Variants in PRR5 observed in about 807,000 individuals in gnomAD.
PRR5 encodes the protein proline rich 5, also known as proline-rich protein 5.
A neutral mutation model predicts 30.6 loss-of-function variants in PRR5; 25 were observed. The observed-to-expected ratio is 0.82, with a 90% CI of 0.60 to 1.14. PRR5 has a LOEUF of 1.14. Among genes scored for constraint, PRR5 ranks in the 50% most tolerant of loss-of-function variants. PRR5 has a pLI of 0.00. For synonymous variants in PRR5, 286 were observed against 247.1 expected (o/e 1.16, Z -1.48); for missense variants, 600 against 547.1 (o/e 1.10, Z -0.96).
At chr22:44,684,197 T>G (rs1212919441) in intron 1 of PRR5, among the ~76,000 whole-genome samples, 1 of 152,168 alleles carries the variant, frequency 6.6e-6, no homozygotes, top group East Asian at 1.9e-4. Flanking sequence ...GTGAGCCCAG[T>G]GAGGCCAGGA....
chr22:44,690,881 G>A (rs571544306), intron 1 of PRR5, among the ~76,000 whole-genome samples: 21 of 152,222 alleles, frequency 1.4e-4, no homozygotes, highest in East Asian at 3.9e-4. Context: ...AGGGCGTGGC[G>A]GGAGACGAAG....
intron 4 of PRR5, chr22:44,730,128 T>A (rs150897211): frequency 1.0e-6 from 1 of 985,028 alleles, no homozygotes; most frequent in Non-Finnish European, 1.2e-6. Context: ...CCACTCCTAG[T>A]GCCCTCGAAC....
At chr22:44,698,979 C>G (rs1020199835), upstream of PRR5, among the ~76,000 whole-genome samples, 4 of 152,212 alleles carry the variant, frequency 2.6e-5, no homozygotes, top group African/African-American at 9.6e-5. Flanking sequence ...ACCCAGAGCA[C>G]TAGCACCTTT....
intron 4 of PRR5, 128 bp from the exon 5 acceptor site, chr22:44,731,602 G>C: frequency 1.2e-6 from 1 of 837,794 alleles, no homozygotes; most frequent in Non-Finnish European, 2.0e-6. Context: ...CATCGACCTT[G>C]GGCAGGTGCT....
intron 4 of PRR5, chr22:44,729,350 G>C (rs754533407): frequency 2.5e-5 from 25 of 984,948 alleles, no homozygotes; most frequent in Non-Finnish European, 2.8e-5. Flanking sequence ...GATAAAGAAA[G>C]GAAAGACGGA....
chr22:44,675,744 G>T (rs1419218424), upstream of PRR5, among the ~76,000 whole-genome samples: 2 of 141,664 alleles, frequency 1.4e-5, no homozygotes, highest in Admixed American at 7.6e-5. Context: ...CTCGGTGGCT[G>T]TTGTTACTGT....
At chr22:44,675,759 G>GTTGTTA (rs1601942967), upstream of PRR5, among the ~76,000 whole-genome samples, 1 of 89,774 alleles carries the variant, frequency 1.1e-5, no homozygotes, top group East Asian at 4.2e-4. Context: ...TACTGTTGCT[G>GTTGTTA]TTGTTATTAT....
intron 3 of PRR5, among the ~76,000 whole-genome samples, chr22:44,725,800 G>T (rs1920934169): frequency 6.6e-6 from 1 of 152,144 alleles, no homozygotes; most frequent in Non-Finnish European, 1.5e-5. Flanking sequence ...CAGGAGCTGG[G>T]ATTACAGGTA....
At chr22:44,711,928 G>A (rs73891747) in intron 1 of PRR5, among the ~76,000 whole-genome samples, 1,935 of 152,310 alleles carry the variant, frequency 0.013, 43 homozygotes, top group African/African-American at 0.043. Flanking sequence ...GGTGGTTGCC[G>A]TTGGGGGACA....
chr22:44,689,241 G>A (rs531532413), intron 1 of PRR5, among the ~76,000 whole-genome samples: 2 of 152,194 alleles, frequency 1.3e-5, no homozygotes, highest in Admixed American at 6.5e-5. Context: ...ACCGGATCCT[G>A]CCCACCTGCG....
chr22:44,681,129 T>G (rs1448081630), intron 1 of PRR5, among the ~76,000 whole-genome samples: 1 of 152,182 alleles, frequency 6.6e-6, no homozygotes, highest in African/African-American at 2.4e-5. Flanking sequence ...CCTCCTCTCC[T>G]GGCCTCTGTG....
At chr22:44,722,553 A>G (rs749399520) in intron 2 of PRR5, among the ~76,000 whole-genome samples, 26 of 152,210 alleles carry the variant, frequency 1.7e-4, no homozygotes, top group African/African-American at 5.8e-4. Context: ...TCCACACCCC[A>G]TGGCATGGTG....
At chr22:44,678,607 G>T (rs892037517) in intron 1 of PRR5, among the ~76,000 whole-genome samples, 1 of 152,100 alleles carries the variant, frequency 6.6e-6, no homozygotes. Context: ...GAGCCACCGC[G>T]CCCTGCCTGC....
chr22:44,720,655 A>G (rs1309114866), intron 2 of PRR5, among the ~76,000 whole-genome samples: 2 of 152,184 alleles, frequency 1.3e-5, no homozygotes, highest in Non-Finnish European at 2.9e-5. Flanking sequence ...GGCCAGGGGC[A>G]GTGGGTCCTG....
rs539571921 is a variant in PRR5, at chr22:44,722,473, C to G, written c.216-2771C>G. ...CCAGGTGCAGAAGCAGGAGCCACCT[C>G]CATCCCAGCACCTGAGTGCCGGTTC... On this transcript the variant is annotated intron_variant, in intron 2 of 7. Coordinates refer to ENST00000336985, the MANE Select transcript of PRR5 (RefSeq NM_181333.4). 2.6e-5 allele frequency among the ~76,000 whole-genome samples: 4 copies of G among 152,242 alleles called. No homozygotes were observed. In the East Asian group the frequency reaches 7.7e-4, roughly 29 times the overall value.
chr22:44,725,917 A>G (rs2006176), intron 3 of PRR5, among the ~76,000 whole-genome samples: 99,007 of 152,124 alleles, frequency 0.65, 33,071 homozygotes, highest in East Asian at 0.89. Context: ...TGCCCGCCTC[A>G]GCCTCCCAAA....
chr22:44,674,357 C>G (rs1440222010), upstream of PRR5, among the ~76,000 whole-genome samples: 1 of 151,872 alleles, frequency 6.6e-6, no homozygotes, highest in African/African-American at 2.4e-5. Context: ...GTTTTGCAGC[C>G]AGGCACGGTG....
chr22:44,681,325 T>C (rs1161766649), intron 1 of PRR5, among the ~76,000 whole-genome samples: 2 of 152,150 alleles, frequency 1.3e-5, no homozygotes, highest in Admixed American at 6.5e-5. Flanking sequence ...CGCAGTGGCT[T>C]ATGCCTCTAA....
At position 44,734,862 on chromosome 22, in the gene PRR5, G is replaced by C. The variant is rs1602104211; in HGVS notation, c.556-165G>C. The C allele has an allele frequency of 4.4e-6, 4 of 912,148 alleles. No homozygotes were observed. The East Asian group carries it at 7.7e-5, about 17-fold the overall frequency. The allele number at this position is 912,148 out of a possible 1,614,324, so 56.5% of individuals were successfully genotyped here. A position where few individuals can be genotyped will look rare whatever the true frequency, so the allele number is the denominator to read the frequency against. ...ACTCAGGCCACATGCTCTGAGAGGG[G>C]CTGGGAGGCCACCGTGGGCCCTGCC... is the stretch of plus-strand genomic sequence containing the variant. On this transcript the variant is annotated intron_variant, in intron 6 of 7. Coordinates refer to ENST00000336985, the MANE Select transcript of PRR5 (RefSeq NM_181333.4).
Sources: allele counts gnomAD v4.1 joint callset (sites outside exome capture counted in the v4.1 genomes callset), GRCh38; gene constraint gnomAD v4.1.1; transcripts MANE v1.5; gene names NCBI Gene and HGNC (gene_info 2026-07-23, HGNC 2026-07-21).